ZNF444: variants seen among roughly 807,000 people sequenced by gnomAD.
ZNF444 encodes the protein zinc finger protein 444.
A neutral mutation model predicts 14.4 loss-of-function variants in ZNF444; 8 were observed. The observed-to-expected ratio is 0.56, with a 90% CI of 0.33 to 1.00. The LOEUF is 1.00. Ranked by LOEUF, ZNF444 falls within the 50% of genes least tolerant of loss-of-function variation. ZNF444 has a pLI of 0.03. For missense variants in ZNF444, 510 were observed against 504.8 expected, an observed-to-expected ratio of 1.01 and a Z score of -0.10; for synonymous variants, 258 against 235.9, an observed-to-expected ratio of 1.09 and a Z score of -0.86.
intron 4 of ZNF444, 105 bp downstream of exon 4, chr19:56,158,707 C>T: frequency 1.9e-6 from 2 of 1,067,804 alleles, no homozygotes; most frequent in Non-Finnish European, 1.3e-6. Context: ...CAGACTTGGA[C>T]CCCAGCCCTT....
chr19:56,155,394 C>T (rs1327529715), intron 3 of ZNF444: 1 of 152,232 alleles, frequency 6.6e-6, no homozygotes, highest in Non-Finnish European at 1.5e-5. Flanking sequence ...TCACCTCCAT[C>T]CCTGGCAGAG....
chr19:56,139,514 C>G (rs974468863), upstream of ZNF444, among the ~76,000 whole-genome samples: 4 of 151,882 alleles, frequency 2.6e-5, no homozygotes, highest in African/African-American at 9.7e-5. Context: ...TGGCAAACCC[C>G]ATCTCTATTA....
At position 56,145,850 on chromosome 19, in the gene ZNF444, G is replaced by C. The variant is rs1271878860; in HGVS notation, c.-196-397G>C. ...GCGGGAAGCTCAGAATGCCATCATG[G>C]TCAGTTCCTGGTGAGGGCCTCTGCC... On this transcript the variant is annotated intron_variant, in intron 1 of 4. Coordinates refer to ENST00000337080, the MANE Select transcript of ZNF444 (RefSeq NM_018337.4). This position sits in a 1 kb window ranked among gnomAD's most constrained non-coding sequence, Gnocchi z 4.3. Among the ~76,000 whole-genome samples, 1 of 152,230 alleles carries C rather than the reference G, an allele frequency of 6.6e-6. No homozygotes were observed. Among genetic ancestry groups the C allele is most frequent in the Non-Finnish European group, 1.5e-5 (1 of 68,036 alleles).
At chr19:56,139,726 A>AAG (rs954574374), upstream of ZNF444, among the ~76,000 whole-genome samples, 1 of 151,612 alleles carries the variant, frequency 6.6e-6, no homozygotes, top group Non-Finnish European at 1.5e-5. Flanking sequence ...AAAAAAAAAA[A>AAG]AAGAAAAAAG....
chr19:56,147,942 G>C lies in ZNF444; in HGVS notation c.297+734G>C, dbSNP rs1170116656. Among the ~76,000 whole-genome samples the C allele has an allele frequency of 6.6e-6, 1 of 152,140 alleles. No individual in the cohort carries two copies. Among genetic ancestry groups the C allele is most frequent in the Non-Finnish European group, 1.5e-5 (1 of 68,024 alleles). On this transcript the variant is annotated intron_variant, in intron 3 of 4. Transcript: ENST00000337080. This position sits in a 1 kb window ranked among gnomAD's most constrained non-coding sequence, Gnocchi z 5.9. Reference sequence around the variant, plus strand: ...ACACCCACCCACTCATGTCACCTGGGGCTGACACTTGCCACCGTGATGACC... The same window carrying C: ...ACACCCACCCACTCATGTCACCTGGCGCTGACACTTGCCACCGTGATGACC...
chr19:56,147,076 C>A lies in ZNF444; in HGVS notation c.165C>A (p.Thr55=), dbSNP rs750263987. The A allele has an allele frequency of 1.7e-5, 27 of 1,587,318 alleles. No individual in the cohort carries two copies. The South Asian group carries it at 2.7e-4, about 16-fold the overall frequency. ...CRDWLRPEVH[T]KEQMLELLVL... is the part of the protein sequence containing the mutation. ...ACTGGCTGCGGCCCGAGGTGCACACCAAGGAGCAGATGTTGGAGCTGCTGG... is the reference window on the plus strand; with the variant it reads ...ACTGGCTGCGGCCCGAGGTGCACACAAAGGAGCAGATGTTGGAGCTGCTGG... Residue 55 remains threonine, a synonymous_variant, in exon 3 of 5, where the codon ACC becomes ACA. Coordinates refer to ENST00000337080, the MANE Select transcript of ZNF444 (RefSeq NM_018337.4). This position sits in a 1 kb window ranked among gnomAD's most constrained non-coding sequence, Gnocchi z 5.9.
chr19:56,144,152 T>C lies in ZNF444; in HGVS notation c.-196-2095T>C, dbSNP rs1426926734. 6.6e-6 allele frequency among the ~76,000 whole-genome samples: 1 copy of C among 151,764 alleles called. No individual in the cohort carries two copies. The highest frequency in any genetic ancestry group is 1.9e-4 in the East Asian group (1 of 5,178). On this transcript the variant is annotated intron_variant, in intron 1 of 4. Transcript: ENST00000337080. This position sits in a 1 kb window ranked among gnomAD's most constrained non-coding sequence, Gnocchi z 4.0. ...AGTGAGACCCTGTCTCTACAAAAAA[T>C]ATAAAAATTAGCTGGGTGTGTTGGT...
chr19:56,153,103 A>G (rs1032281819), intron 3 of ZNF444, among the ~76,000 whole-genome samples: 2 of 152,146 alleles, frequency 1.3e-5, no homozygotes, highest in African/African-American at 2.4e-5. Context: ...GGGGACCACC[A>G]ATAAGAGAGA....
At chr19:56,134,341 G>A (rs1028304719) in intron 1 of ZNF444, among the ~76,000 whole-genome samples, 1 of 152,254 alleles carries the variant, frequency 6.6e-6, no homozygotes, top group Non-Finnish European at 1.5e-5. Context: ...CTGGGAAGCA[G>A]GGTAAGAACC....
chr19:56,154,082 G>A (rs1034527315), intron 3 of ZNF444, among the ~76,000 whole-genome samples: 4 of 152,212 alleles, frequency 2.6e-5, no homozygotes, highest in African/African-American at 9.7e-5. Context: ...AGAACACCGT[G>A]TTCAACGTAC....
In ZNF444 at chr19:56,160,101, G is replaced by C; in HGVS notation, c.884G>C (p.Arg295Pro). ...TTCGGGCGCCGCGAGCACGTGCTGC[G>C]CCACCAGCGCATCCACGGCCGGGCA... ...KGFGRREHVL[R>P]HQRIHGRAAA... The change falls in exon 5 of 5, where the codon CGC becomes CCC. Residue 295 changes from arginine (R) to proline (P), a missense_variant. Arg to Pro is a moderately radical substitution (Grantham distance 103). Coordinates refer to ENST00000337080, the MANE Select transcript of ZNF444 (RefSeq NM_018337.4). 6.7e-7 allele frequency: 1 copy of C among 1,496,754 alleles called. No individual in the cohort carries two copies. Among genetic ancestry groups the C allele is most frequent in the Non-Finnish European group, 8.9e-7 (1 of 1,129,214 alleles). The allele number at this position is 1,496,754 out of a possible 1,614,324, so 92.7% of individuals were successfully genotyped here. A position where few individuals can be genotyped will look rare whatever the true frequency, so the allele number is the denominator to read the frequency against.
At chr19:56,137,806 T>C (rs958520670), upstream of ZNF444, among the ~76,000 whole-genome samples, 6 of 152,134 alleles carry the variant, frequency 3.9e-5, no homozygotes, top group South Asian at 2.1e-4. Flanking sequence ...AAAAGTGACA[T>C]GACCCTATTT....
At chr19:56,150,626 A>G in intron 3 of ZNF444, 1 of 453,914 alleles carries the variant, frequency 2.2e-6, no homozygotes, top group Non-Finnish European at 4.4e-6. Context: ...GCAATGATAC[A>G]ACATGGTCTT....
intron 3 of ZNF444, among the ~76,000 whole-genome samples, chr19:56,154,096 A>G (rs910649221): frequency 6.6e-6 from 1 of 152,204 alleles, no homozygotes; most frequent in Admixed American, 6.5e-5. Flanking sequence ...AACGTACACA[A>G]TGCATTCGAA....
In ZNF444 at chr19:56,144,852, G is replaced by GT; in HGVS notation, c.-196-1395_-196-1394insT. ...CCCATAATACTCCAGAGGTGTTCTG[G>GT]GGCGGGCTGGCGCCTGAGCCCCATG... On this transcript the variant is annotated intron_variant, in intron 1 of 4. Coordinates refer to ENST00000337080, the MANE Select transcript of ZNF444 (RefSeq NM_018337.4). This position sits in a 1 kb window ranked among gnomAD's most constrained non-coding sequence, Gnocchi z 4.0. Among the ~76,000 whole-genome samples the GT allele has an allele frequency of 6.6e-6, 1 of 152,340 alleles. No individual in the cohort carries two copies. The highest frequency in any genetic ancestry group is 6.5e-5 in the Admixed American group (1 of 15,310).
Position 56,141,645 on chromosome 19 carries a change from TGGGGGAGGGGGAGGGGCGGGAC to T in ZNF444, c.-197+298_-197+319del, listed in dbSNP as rs1217063841. 9 of 65,912 alleles carry T rather than the reference TGGGGGAGGGGGAGGGGCGGGAC, an allele frequency of 1.4e-4. No homozygotes were observed. The East Asian group carries it at 6.7e-3, about 49-fold the overall frequency. 4.1% of individuals were successfully genotyped at this position (65,912 alleles called of 1,614,324 possible). On this transcript the variant is annotated intron_variant, in intron 1 of 4. Coordinates refer to ENST00000337080, the MANE Select transcript of ZNF444 (RefSeq NM_018337.4). ...AGGGAGAGGACGGGGGAGGGGCGCC[TGGGGGAGGGGGAGGGGCGGGAC>T]GGGGGAGGGACAGGTGGGGGAGGGG...
intron 3 of ZNF444, among the ~76,000 whole-genome samples, chr19:56,153,584 T>A (rs889692215): frequency 6.6e-6 from 1 of 152,206 alleles, no homozygotes; most frequent in Non-Finnish European, 1.5e-5. Context: ...GAGAATCTGA[T>A]CTGTCCAGAA....
chr19:56,146,675 G>A (rs999714164), intron 2 of ZNF444, among the ~76,000 whole-genome samples: 7 of 152,134 alleles, frequency 4.6e-5, no homozygotes, highest in Non-Finnish European at 7.4e-5. Context: ...TGTAATTCCC[G>A]CTACTCAGGA....
At chr19:56,158,701 C>G in intron 4 of ZNF444, 99 bp downstream of exon 4, 1 of 1,116,148 alleles carries the variant, frequency 9.0e-7, no homozygotes, top group Non-Finnish European at 1.2e-6. Context: ...CAAGGACAGA[C>G]TTGGACCCCA....
Sources: allele counts gnomAD v4.1 joint callset (sites outside exome capture counted in the v4.1 genomes callset), GRCh38; gene constraint gnomAD v4.1.1; non-coding constraint Gnocchi (gnomAD v3.1); transcripts MANE v1.5; gene names NCBI Gene and HGNC (gene_info 2026-07-23, HGNC 2026-07-21).